The following KCNMA1 variants were observed in gnomAD, a reference collection of about 807,000 sequenced individuals.
KCNMA1 encodes potassium calcium-activated channel subfamily M alpha 1, also known as Calcium-activated potassium channel subunit alpha-1.
Under a neutral mutation model 140.0 loss-of-function variants are expected in KCNMA1, and 29 were observed. The observed-to-expected ratio is 0.21, with a 90% CI of 0.15 to 0.28. The LOEUF is 0.28. KCNMA1 is among the 10% of genes least tolerant of loss of function. The pLI is 1.00. For missense variants in KCNMA1, 880 were observed against 1,602.2 expected (o/e 0.55, Z 7.70); for synonymous variants, 612 against 611.9 (o/e 1.00, Z 0.00).
At chr10:77,380,160 G>A (rs112036616) in intron 2 of KCNMA1, among the ~76,000 whole-genome samples, 3,926 of 152,280 alleles carry the variant, frequency 0.026, 158 homozygotes, top group African/African-American at 0.09. Context: ...TTATGTTGTC[G>A]TCTGAAAGTT....
intron 14 of KCNMA1, 150 bp from the exon 15 acceptor site, chr10:77,039,787 T>C (rs567040754): frequency 8.9e-5 from 60 of 676,260 alleles, no homozygotes; most frequent in South Asian, 8.8e-4. Flanking sequence ...TCTGCACCCA[T>C]ATAAAGCCTT....
intron 2 of KCNMA1, among the ~76,000 whole-genome samples, chr10:77,267,864 A>T (rs2063846424): frequency 6.6e-6 from 1 of 152,218 alleles, no homozygotes; most frequent in Non-Finnish European, 1.5e-5. Context: ...TTGACACAGG[A>T]GATCACCTGC....
chr10:77,124,270 T>C, intron 5 of KCNMA1, among the ~76,000 whole-genome samples: 1 of 152,226 alleles, frequency 6.6e-6, no homozygotes, highest in East Asian at 1.9e-4. Context: ...GGTGTTTGTA[T>C]CGTATATCCA....
intron 13 of KCNMA1, 50 bp downstream of exon 13, chr10:77,079,430 CT>C: frequency 1.0e-6 from 1 of 1,002,154 alleles, no homozygotes; most frequent in Non-Finnish European, 1.6e-6. Flanking sequence ...GAAGAAGAGG[CT>C]GGACCTGTGG....
At chr10:77,425,372 A>C (rs146245723) in intron 1 of KCNMA1, among the ~76,000 whole-genome samples, 2 of 152,264 alleles carry the variant, frequency 1.3e-5, no homozygotes, top group East Asian at 3.9e-4. Flanking sequence ...GCTTCTGAGC[A>C]CTGGTATCTC....
At chr10:77,048,107 A>AAAATAAAT (rs2095178038) in intron 14 of KCNMA1, among the ~76,000 whole-genome samples, 2 of 7,206 alleles carry the variant, frequency 2.8e-4, no homozygotes, top group African/African-American at 1.1e-3. Flanking sequence ...ACATGATGAG[A>AAAATAAAT]CAATAAATAA....
chr10:76,961,543 T>C (rs1417130780), intron 20 of KCNMA1, among the ~76,000 whole-genome samples: 1 of 152,212 alleles, frequency 6.6e-6, no homozygotes, highest in Non-Finnish European at 1.5e-5. Context: ...GACTCCAATT[T>C]TGAAAGAAGT....
intron 2 of KCNMA1, among the ~76,000 whole-genome samples, chr10:77,324,967 CTCTCTGTG>C (rs1179704449): frequency 8.5e-4 from 83 of 97,336 alleles, no homozygotes; most frequent in African/African-American, 4.0e-3. Flanking sequence ...CTCTCTCTCT[CTCTCTGTG>C]TGTGTGTGTG....
chr10:77,316,594 A>T (rs1173493312), intron 2 of KCNMA1, among the ~76,000 whole-genome samples: 1 of 152,120 alleles, frequency 6.6e-6, no homozygotes, highest in Non-Finnish European at 1.5e-5. Flanking sequence ...CAGGCACCCC[A>T]CTTTGAGAAG....
intron 5 of KCNMA1, among the ~76,000 whole-genome samples, chr10:77,143,722 T>A (rs1266133068): frequency 6.6e-6 from 1 of 152,008 alleles, no homozygotes; most frequent in East Asian, 1.9e-4. Context: ...CTCACATTTT[T>A]AAAAAGACTG....
At chr10:77,468,094 G>A (rs1426903021) in intron 1 of KCNMA1, among the ~76,000 whole-genome samples, 7 of 152,210 alleles carry the variant, frequency 4.6e-5, no homozygotes, top group Non-Finnish European at 5.9e-5. Context: ...TGCAGACTCC[G>A]CCTCCCGGGT....
intron 3 of KCNMA1, among the ~76,000 whole-genome samples, chr10:77,215,855 G>C (rs1271971247): frequency 6.6e-6 from 1 of 151,664 alleles, no homozygotes; most frequent in African/African-American, 2.4e-5. Context: ...AGTGAGCAGT[G>C]AGCTTGCCCC....
intron 1 of KCNMA1, among the ~76,000 whole-genome samples, chr10:77,528,530 A>G (rs1307150192): frequency 6.6e-6 from 1 of 151,834 alleles, no homozygotes; most frequent in East Asian, 1.9e-4. Flanking sequence ...GAATCGCTTG[A>G]ACCAGGAGGC....
chr10:77,291,642 G>T (rs1336070073), intron 2 of KCNMA1, among the ~76,000 whole-genome samples: 1 of 152,194 alleles, frequency 6.6e-6, no homozygotes. Flanking sequence ...ATAATCAACA[G>T]AAGGAAATCT....
chr10:77,051,961 G>C (rs1244493858), intron 14 of KCNMA1, among the ~76,000 whole-genome samples: 1 of 152,202 alleles, frequency 6.6e-6, no homozygotes, highest in African/African-American at 2.4e-5. Flanking sequence ...GGCATTTATT[G>C]AGTTTGTACC....
At chr10:77,400,229 A>T (rs763098222) in intron 2 of KCNMA1, among the ~76,000 whole-genome samples, 2 of 152,300 alleles carry the variant, frequency 1.3e-5, no homozygotes, top group African/African-American at 2.4e-5. Flanking sequence ...GCCTGCTCCT[A>T]AAGGGCAGGC....
At chr10:77,551,198 G>A (rs1294656547) in intron 1 of KCNMA1, among the ~76,000 whole-genome samples, 1 of 152,098 alleles carries the variant, frequency 6.6e-6, no homozygotes, top group Non-Finnish European at 1.5e-5. Context: ...GCAAGTTTAA[G>A]TAAATATTGT....
At chr10:77,034,864 GC>G (rs2153560015) in intron 15 of KCNMA1, among the ~76,000 whole-genome samples, 1 of 152,296 alleles carries the variant, frequency 6.6e-6, no homozygotes, top group East Asian at 1.9e-4. Flanking sequence ...ATACAATTAA[GC>G]TTTTATATTT....
chr10:77,468,720 G>T (rs1294334654), intron 1 of KCNMA1, among the ~76,000 whole-genome samples: 2 of 152,138 alleles, frequency 1.3e-5, no homozygotes, highest in Non-Finnish European at 2.9e-5. Flanking sequence ...AAGCCACCTG[G>T]CCTGTAGTAC....
Sources: allele counts gnomAD v4.1 joint callset (sites outside exome capture counted in the v4.1 genomes callset), GRCh38; gene constraint gnomAD v4.1.1; transcripts MANE v1.5; gene names NCBI Gene and HGNC (gene_info 2026-07-23, HGNC 2026-07-21).